The following MYO16 variants were observed in gnomAD, a reference collection of about 807,000 sequenced individuals.
MYO16 encodes the protein myosin XVI.
A neutral mutation model predicts 205.3 loss-of-function variants in MYO16; 94 were observed. The ratio of observed to expected loss-of-function variants is 0.46; its 90% CI spans 0.39 to 0.54. The LOEUF (loss-of-function observed/expected upper bound fraction) is 0.54, where lower values mean the gene tolerates loss of function less well. Among genes scored for constraint, MYO16 ranks in the 20% least tolerant of loss-of-function variants. MYO16 has a pLI of 0.00. For synonymous variants in MYO16, 988 were observed against 954.0 expected (o/e 1.04, Z -0.66); for missense variants, 2,315 against 2,387.5 (o/e 0.97, Z 0.63).
chr13:108,954,447 T>C (rs1883270259), intron 16 of MYO16, among the ~76,000 whole-genome samples: 1 of 152,066 alleles, frequency 6.6e-6, no homozygotes, highest in Non-Finnish European at 1.5e-5. Context: ...ATCATTAAGG[T>C]TTATCACTAG....
At chr13:108,712,604 T>G (rs1883763421) in intron 2 of MYO16, 57 bp from the exon 3 acceptor site, 1 of 1,479,790 alleles carries the variant, frequency 6.8e-7, no homozygotes, top group Admixed American at 1.7e-5. Context: ...ACACATTTGG[T>G]TCCACACGTG....
At chr13:108,834,837 A>T (rs930967118) in intron 9 of MYO16, among the ~76,000 whole-genome samples, 1 of 152,074 alleles carries the variant, frequency 6.6e-6, no homozygotes, top group Admixed American at 6.6e-5. Flanking sequence ...GTGTCCTTAA[A>T]TTCTACAAAT....
At chr13:108,785,581 C>A in intron 4 of MYO16, 54 bp from the exon 5 acceptor site, 1 of 1,084,890 alleles carries the variant, frequency 9.2e-7, no homozygotes, top group Non-Finnish European at 1.3e-6. Context: ...AACTCCTAAT[C>A]TGCTTTTAAT....
chr13:109,019,708 C>G lies in MYO16; in HGVS notation c.2596-3C>G. The G allele has an allele frequency of 6.2e-7, 1 of 1,612,052 alleles. No homozygotes were observed. Among genetic ancestry groups the G allele is most frequent in the Non-Finnish European group, 8.5e-7 (1 of 1,178,424 alleles). ...CAACTCCCCATCTCTTCTTAACTCT[C>G]AGAAGCCATCTGGATTTCTCACCTT... On this transcript the variant is annotated splice_region_variant and splice_polypyrimidine_tract_variant and intron_variant, in intron 22 of 34. Coordinates refer to ENST00000457511, the MANE Select transcript of MYO16 (RefSeq NM_001198950.3).
chr13:108,985,993 A>G (rs190262655), intron 20 of MYO16, among the ~76,000 whole-genome samples: 97 of 152,290 alleles, frequency 6.4e-4, no homozygotes, highest in African/African-American at 2.3e-3. Flanking sequence ...ATGGCTAGGG[A>G]GGCCTCACAA....
intron 33 of MYO16, among the ~76,000 whole-genome samples, chr13:109,175,925 T>C (rs1257951928): frequency 6.6e-6 from 1 of 152,168 alleles, no homozygotes; most frequent in Non-Finnish European, 1.5e-5. Context: ...ATGTTCCCTT[T>C]AGCTGCGTGA....
intron 34 of MYO16, among the ~76,000 whole-genome samples, chr13:109,192,294 T>C (rs1010303801): frequency 6.6e-6 from 1 of 152,224 alleles, no homozygotes; most frequent in Admixed American, 6.5e-5. Context: ...TTGCAGGTGA[T>C]TTTTACTATC....
At chr13:108,769,858 G>A (rs1885904811) in intron 4 of MYO16, among the ~76,000 whole-genome samples, 1 of 152,162 alleles carries the variant, frequency 6.6e-6, no homozygotes, top group Non-Finnish European at 1.5e-5. Flanking sequence ...CACTTAAGCA[G>A]AATGTATTAA....
chr13:108,871,775 T>C (rs902432223), intron 12 of MYO16, among the ~76,000 whole-genome samples: 3 of 152,152 alleles, frequency 2.0e-5, no homozygotes, highest in African/African-American at 7.2e-5. Context: ...ACAGCGGCAC[T>C]GTGTGCTGGG....
At chr13:109,038,130 A>T (rs1364201758) in intron 23 of MYO16, among the ~76,000 whole-genome samples, 2 of 152,034 alleles carry the variant, frequency 1.3e-5, no homozygotes, top group Non-Finnish European at 2.9e-5. Context: ...CAAGTTAGAT[A>T]TTTTTTTTCC....
intron 5 of MYO16, among the ~76,000 whole-genome samples, chr13:108,791,296 A>C (rs1886608603): frequency 6.6e-6 from 1 of 152,206 alleles, no homozygotes; most frequent in South Asian, 2.1e-4. Flanking sequence ...ACATTATTCA[A>C]ATACTGCATT....
At chr13:108,637,838 G>T (rs1354438222) in intron 1 of MYO16, among the ~76,000 whole-genome samples, 1 of 152,050 alleles carries the variant, frequency 6.6e-6, no homozygotes. Context: ...TCACACCATT[G>T]CACTCGAGCC....
intron 20 of MYO16, among the ~76,000 whole-genome samples, chr13:108,966,667 A>G (rs1251214764): frequency 1.3e-5 from 2 of 152,214 alleles, no homozygotes; most frequent in African/African-American, 4.8e-5. Flanking sequence ...AGTTTGACTT[A>G]TAAGAGACAG....
At chr13:108,950,293 G>A (rs1174539747) in intron 16 of MYO16, among the ~76,000 whole-genome samples, 1 of 151,952 alleles carries the variant, frequency 6.6e-6, no homozygotes, top group Non-Finnish European at 1.5e-5. Flanking sequence ...ATCCAACAAA[G>A]GACTAATATT....
the MYO16 span, among the ~76,000 whole-genome samples, chr13:108,575,990 G>A: frequency 6.6e-6 from 1 of 152,080 alleles, no homozygotes; most frequent in South Asian, 2.1e-4. Context: ...AGCTGGGGCT[G>A]GAAGGGATAG....
chr13:109,077,908 G>T (rs1049064752), intron 27 of MYO16, among the ~76,000 whole-genome samples: 38 of 151,788 alleles, frequency 2.5e-4, no homozygotes, highest in African/African-American at 9.0e-4. Context: ...ATAATTTCCT[G>T]TGTATTAGGT....
chr13:108,995,250 G>A (rs918351778), intron 21 of MYO16, among the ~76,000 whole-genome samples: 1 of 152,076 alleles, frequency 6.6e-6, no homozygotes, highest in African/African-American at 2.4e-5. Context: ...CCACTCATGA[G>A]GGAGGATCAA....
At position 108,707,150 on chromosome 13, in the gene MYO16, G is replaced by C. The variant is rs78251350; in HGVS notation, c.293-5511G>C. Reference sequence around the variant, plus strand: ...AAGACTTCAGGCAGAGCACACCAAAGCTCCAACAACCTGGCTAGACCCTCT... The same window carrying C: ...AAGACTTCAGGCAGAGCACACCAAACCTCCAACAACCTGGCTAGACCCTCT... On this transcript the variant is annotated intron_variant, in intron 2 of 34. Coordinates refer to ENST00000457511, the MANE Select transcript of MYO16 (RefSeq NM_001198950.3). 7.5e-3 allele frequency among the ~76,000 whole-genome samples: 1,147 copies of C among 152,216 alleles called. 14 individuals are homozygous for C. Among genetic ancestry groups the C allele is most frequent in the African/African-American group, 0.027 (1,105 of 41,536 alleles).
intron 27 of MYO16, among the ~76,000 whole-genome samples, chr13:109,089,302 C>A (rs1232026216): frequency 6.6e-6 from 1 of 152,010 alleles, no homozygotes; most frequent in Non-Finnish European, 1.5e-5. Flanking sequence ...CAGCCTCCAC[C>A]TCCTGGGTTC....
Sources: allele counts gnomAD v4.1 joint callset (sites outside exome capture counted in the v4.1 genomes callset), GRCh38; gene constraint gnomAD v4.1.1; transcripts MANE v1.5; gene names NCBI Gene and HGNC (gene_info 2026-07-23, HGNC 2026-07-21).